Variants in PLA2G4A observed in about 807,000 individuals in gnomAD.
The protein encoded by PLA2G4A is cytosolic phospholipase A2.
Under a neutral mutation model 81.9 loss-of-function variants are expected in PLA2G4A, and 40 were observed. The ratio of observed to expected loss-of-function variants is 0.49; its 90% confidence interval spans 0.38 to 0.64. The LOEUF (loss-of-function observed/expected upper bound fraction) is 0.64. Ranked by LOEUF, PLA2G4A falls within the 30% of genes least tolerant of loss-of-function variation. The pLI is 0.00. For synonymous variants in PLA2G4A, 302 were observed against 296.9 expected (o/e 1.02, Z -0.18); for missense variants, 715 against 905.1 (o/e 0.79, Z 2.69).
intron 14 of PLA2G4A, among the ~76,000 whole-genome samples, chr1:186,956,898 A>C (rs1656774132): frequency 6.6e-6 from 1 of 151,958 alleles, no homozygotes; most frequent in South Asian, 2.1e-4. Flanking sequence ...AATAATATTG[A>C]GGAGGACGGC....
chr1:186,890,596 C>T (rs1199485219), intron 3 of PLA2G4A, among the ~76,000 whole-genome samples: 1 of 152,114 alleles, frequency 6.6e-6, no homozygotes, highest in Admixed American at 6.5e-5. Context: ...TGGCTCATGC[C>T]TGTAATCCCA....
At chr1:186,857,143 T>TC (rs1231966327) in intron 2 of PLA2G4A, among the ~76,000 whole-genome samples, 1 of 39,922 alleles carries the variant, frequency 2.5e-5, no homozygotes, top group African/African-American at 1.6e-4. Context: ...TATTATATAA[T>TC]TATATAATTA....
At chr1:186,846,600 C>T (rs1416886491) in intron 1 of PLA2G4A, among the ~76,000 whole-genome samples, 1 of 152,046 alleles carries the variant, frequency 6.6e-6, no homozygotes, top group Non-Finnish European at 1.5e-5. Flanking sequence ...AACGACAAAC[C>T]TTATTTGGAT....
intron 8 of PLA2G4A, among the ~76,000 whole-genome samples, chr1:186,936,515 A>G (rs1655950200): frequency 6.6e-6 from 1 of 151,924 alleles, no homozygotes; most frequent in African/African-American, 2.4e-5. Context: ...GTTTCAAGAT[A>G]TTTCCTTAAC....
rs562875249 is a variant in PLA2G4A, at chr1:186,876,174, A to G, written c.115+5658A>G. Among the ~76,000 whole-genome samples the G allele has an allele frequency of 2.0e-5, 3 of 152,228 alleles. No individual in the cohort carries two copies. The East Asian group carries it at 5.8e-4, about 30-fold the overall frequency. The stretch of plus-strand genomic sequence containing the variant: ...TTGTAATGTGAGGGATGCATGTTGA[A>G]CATTTATAAGATTCGCGAAATAACT... On this transcript the variant is annotated intron_variant, in intron 3 of 17. Transcript: ENST00000367466.
At chr1:186,848,455 G>A (rs1400187603) in intron 1 of PLA2G4A, among the ~76,000 whole-genome samples, 1 of 152,110 alleles carries the variant, frequency 6.6e-6, no homozygotes, top group Non-Finnish European at 1.5e-5. Flanking sequence ...TCTACCTTGA[G>A]CAGGAGAGAG....
chr1:186,934,571 T>C (rs1454453057), intron 8 of PLA2G4A, among the ~76,000 whole-genome samples: 1 of 151,270 alleles, frequency 6.6e-6, no homozygotes, highest in Non-Finnish European at 1.5e-5. Context: ...CATATATGTA[T>C]ACTTCTACTC....
At chr1:186,872,954 T>C (rs1046635311) in intron 3 of PLA2G4A, among the ~76,000 whole-genome samples, 3 of 152,098 alleles carry the variant, frequency 2.0e-5, no homozygotes, top group East Asian at 1.9e-4. Flanking sequence ...GACAGTGTTA[T>C]GGCATTCTGT....
At chr1:186,938,150 TA>T (rs1267266060) in intron 8 of PLA2G4A, among the ~76,000 whole-genome samples, 2 of 152,072 alleles carry the variant, frequency 1.3e-5, no homozygotes, top group Non-Finnish European at 2.9e-5. Context: ...TCACTGAGGC[TA>T]AAAAAGATGA....
chr1:186,891,709 A>G (rs183125497), intron 3 of PLA2G4A, among the ~76,000 whole-genome samples: 10 of 152,302 alleles, frequency 6.6e-5, no homozygotes, highest in Admixed American at 1.3e-4. Flanking sequence ...GTTGATGGAC[A>G]CTTAGGTTGC....
chr1:186,932,514 T>G (rs1411466311), intron 7 of PLA2G4A, among the ~76,000 whole-genome samples: 1 of 152,072 alleles, frequency 6.6e-6, no homozygotes, highest in Non-Finnish European at 1.5e-5. Context: ...TTGGTCAGGC[T>G]GGTCTCGAAC....
At chr1:186,855,256 T>TC (rs973553034) in intron 2 of PLA2G4A, among the ~76,000 whole-genome samples, 3 of 151,918 alleles carry the variant, frequency 2.0e-5, no homozygotes, top group African/African-American at 7.3e-5. Flanking sequence ...AACTCTTCAG[T>TC]CCCCCCACTC....
At chr1:186,873,805 C>A (rs1185164854) in intron 3 of PLA2G4A, among the ~76,000 whole-genome samples, 1 of 151,978 alleles carries the variant, frequency 6.6e-6, no homozygotes, top group Non-Finnish European at 1.5e-5. Flanking sequence ...CTCTTTCATT[C>A]CTTGTTTTCA....
At chr1:186,950,544 G>T (rs2102241375) in intron 12 of PLA2G4A, 113 bp from the exon 13 acceptor site, 2 of 643,084 alleles carry the variant, frequency 3.1e-6, no homozygotes, top group Non-Finnish European at 5.7e-6. Context: ...ATTTATACTA[G>T]TAGAGCTAGT....
chr1:186,915,579 G>A (rs1655107580), intron 7 of PLA2G4A, among the ~76,000 whole-genome samples: 1 of 152,150 alleles, frequency 6.6e-6, no homozygotes, highest in Admixed American at 6.5e-5. Flanking sequence ...TTTATGGGCA[G>A]TAGGAAGAAA....
intron 10 of PLA2G4A, among the ~76,000 whole-genome samples, chr1:186,940,436 G>A (rs6693896): frequency 0.29 from 44,548 of 151,972 alleles, 8,611 homozygotes; most frequent in African/African-American, 0.54. Context: ...TTACTTGTTG[G>A]TTATCTTTTC....
chr1:186,847,462 C>T (rs1217440735), intron 1 of PLA2G4A, among the ~76,000 whole-genome samples: 15 of 151,630 alleles, frequency 9.9e-5, no homozygotes, highest in Non-Finnish European at 1.5e-5. Context: ...TCCCACATTC[C>T]TCGTTCTGCC....
chr1:186,957,956 G>T (rs1348512005), intron 14 of PLA2G4A, among the ~76,000 whole-genome samples: 2 of 152,118 alleles, frequency 1.3e-5, no homozygotes, highest in African/African-American at 2.4e-5. Flanking sequence ...ACTTAAATGG[G>T]ATATTTCCAA....
chr1:186,984,088 G>A (rs1657814853), intron 17 of PLA2G4A, among the ~76,000 whole-genome samples: 1 of 152,114 alleles, frequency 6.6e-6, no homozygotes, highest in Non-Finnish European at 1.5e-5. Context: ...TAGACATACT[G>A]ATCACAATGC....
Sources: allele counts gnomAD v4.1 joint callset (sites outside exome capture counted in the v4.1 genomes callset), GRCh38; gene constraint gnomAD v4.1.1; transcripts MANE v1.5; gene names NCBI Gene and HGNC (gene_info 2026-07-23, HGNC 2026-07-21).